Variants in GPC6 observed in about 807,000 individuals in gnomAD.
GPC6 encodes glypican 6.
In GPC6, 14 loss-of-function variants were observed where a neutral mutation model predicts 55.2. The observed-to-expected ratio is 0.25, with a 90% CI of 0.17 to 0.40. The LOEUF is 0.40. Among genes scored for constraint, GPC6 ranks in the 10% least tolerant of loss-of-function variants. The pLI, the probability that GPC6 is intolerant of heterozygous loss-of-function variation, is 1.00. For synonymous variants in GPC6, 278 were observed against 259.6 expected, an observed-to-expected ratio of 1.07 and a Z score of -0.68; for missense variants, 641 against 708.5, an observed-to-expected ratio of 0.90 and a Z score of 1.08.
intron 4 of GPC6, among the ~76,000 whole-genome samples, chr13:94,253,400 G>A (rs1244661206): frequency 6.6e-6 from 1 of 152,104 alleles, no homozygotes. Context: ...GAACTGCCCT[G>A]TAATAATACT....
At chr13:94,197,203 A>G (rs1460006458) in intron 4 of GPC6, among the ~76,000 whole-genome samples, 1 of 152,132 alleles carries the variant, frequency 6.6e-6, no homozygotes, top group Admixed American at 6.5e-5. Flanking sequence ...GAAACTCTAC[A>G]GTATTGAGAA....
chr13:93,321,846 A>G (rs991222749), intron 1 of GPC6, among the ~76,000 whole-genome samples: 2 of 152,128 alleles, frequency 1.3e-5, no homozygotes, highest in Non-Finnish European at 2.9e-5. Context: ...TTCAACATCT[A>G]GTGTGAGACC....
intron 1 of GPC6, among the ~76,000 whole-genome samples, chr13:93,446,606 C>G (rs931890414): frequency 6.6e-6 from 1 of 152,046 alleles, no homozygotes; most frequent in African/African-American, 2.4e-5. Context: ...GACTACAACC[C>G]GTTTTCTTGA....
At chr13:93,333,845 G>A (rs923838556) in intron 1 of GPC6, among the ~76,000 whole-genome samples, 5 of 152,014 alleles carry the variant, frequency 3.3e-5, no homozygotes, top group South Asian at 2.1e-4. Context: ...GCCACCAAAC[G>A]CTACTGATTT....
intron 4 of GPC6, among the ~76,000 whole-genome samples, chr13:94,166,058 G>A (rs1245703058): frequency 6.6e-6 from 1 of 152,088 alleles, no homozygotes; most frequent in African/African-American, 2.4e-5. Context: ...TGGCTACGTT[G>A]TACTCTATGA....
intron 1 of GPC6, among the ~76,000 whole-genome samples, chr13:93,328,005 A>G (rs1879716169): frequency 6.6e-6 from 1 of 152,054 alleles, no homozygotes; most frequent in Non-Finnish European, 1.5e-5. Context: ...AACTTTAAAA[A>G]AATGGCCATT....
At chr13:94,028,231 C>T (rs1566307816) in intron 4 of GPC6, among the ~76,000 whole-genome samples, 1 of 151,904 alleles carries the variant, frequency 6.6e-6, no homozygotes, top group Admixed American at 6.6e-5. Context: ...CGCCACTGCA[C>T]TCCAGCCTGG....
At chr13:93,973,010 T>C (rs1270770284) in intron 3 of GPC6, among the ~76,000 whole-genome samples, 1 of 151,940 alleles carries the variant, frequency 6.6e-6, no homozygotes, top group African/African-American at 2.4e-5. Context: ...TTAAATCTTC[T>C]AAGTGGAAGT....
At chr13:93,228,414 G>T (rs1233613322) in intron 1 of GPC6, among the ~76,000 whole-genome samples, 1 of 152,126 alleles carries the variant, frequency 6.6e-6, no homozygotes, top group African/African-American at 2.4e-5. Context: ...CTGGGGATTC[G>T]GGTCCGGGTT....
At chr13:94,014,720 C>G (rs1272451731) in intron 3 of GPC6, among the ~76,000 whole-genome samples, 1 of 152,128 alleles carries the variant, frequency 6.6e-6, no homozygotes, top group Non-Finnish European at 1.5e-5. Context: ...CCCCTGACAA[C>G]CACTAATCTA....
chr13:93,223,872 C>T (rs1875685490), upstream of GPC6, among the ~76,000 whole-genome samples: 2 of 150,640 alleles, frequency 1.3e-5, no homozygotes, highest in Admixed American at 1.3e-4. Flanking sequence ...TCTAGGTATC[C>T]GTTTACCTCA....
chr13:93,349,064 A>G (rs927542678), intron 1 of GPC6, among the ~76,000 whole-genome samples: 11 of 152,206 alleles, frequency 7.2e-5, no homozygotes, highest in African/African-American at 2.7e-4. Context: ...ATGTAACATT[A>G]CTTTTACTCT....
At chr13:94,215,855 C>A (rs558476898) in intron 4 of GPC6, among the ~76,000 whole-genome samples, 1 of 151,874 alleles carries the variant, frequency 6.6e-6, no homozygotes, top group African/African-American at 2.4e-5. Flanking sequence ...TGGAAAACAT[C>A]AAAAAGAAAA....
intron 4 of GPC6, among the ~76,000 whole-genome samples, chr13:94,099,341 T>G (rs763670140): frequency 5.3e-5 from 8 of 152,146 alleles, no homozygotes; most frequent in Non-Finnish European, 1.2e-4. Context: ...ATATGTTCCC[T>G]TCTTGATATT....
chr13:93,812,576 C>A (rs1000931981), intron 2 of GPC6, among the ~76,000 whole-genome samples: 1 of 152,080 alleles, frequency 6.6e-6, no homozygotes, highest in Non-Finnish European at 1.5e-5. Context: ...TTGCCAAATG[C>A]AATTTTTTCA....
Position 94,027,887 on chromosome 13 carries a change from G to A in GPC6, c.870G>A (p.Leu290=). Residue 290 remains leucine, a synonymous_variant, in exon 4 of 9, where the codon CTG becomes CTA. Transcript: ENST00000377047. The part of the protein sequence containing the change: ...NQADLDTEWN[L]FIDAMLLVAE... ...CTGACCTCGACACAGAGTGGAATCT[G>A]TTTATAGGTAAGAAGTGTTTAAATG... The A allele has an allele frequency of 1.2e-6, 2 of 1,613,916 alleles. No homozygotes were observed. Among genetic ancestry groups the A allele is most frequent in the Non-Finnish European group, 1.7e-6 (2 of 1,179,860 alleles).
At chr13:93,326,266 C>T (rs1315455362) in intron 1 of GPC6, among the ~76,000 whole-genome samples, 1 of 152,034 alleles carries the variant, frequency 6.6e-6, no homozygotes, top group African/African-American at 2.4e-5. Context: ...GTGCATTGGA[C>T]TATCTGGGCA....
chr13:94,114,560 A>T (rs1886366548), intron 4 of GPC6, among the ~76,000 whole-genome samples: 1 of 152,086 alleles, frequency 6.6e-6, no homozygotes. Flanking sequence ...AAAATACAGA[A>T]TTTTATCTTG....
At chr13:94,074,657 G>A (rs1354829598) in intron 4 of GPC6, among the ~76,000 whole-genome samples, 1 of 152,118 alleles carries the variant, frequency 6.6e-6, no homozygotes, top group Non-Finnish European at 1.5e-5. Flanking sequence ...AAATCACCTG[G>A]CTTTCAGCAC....
Sources: gnomAD v4.1 joint callset for allele counts (sites outside exome capture counted in the v4.1 genomes callset) on GRCh38, gnomAD v4.1.1 for gene constraint, MANE v1.5 for transcripts, NCBI Gene and HGNC (gene_info 2026-07-23, HGNC 2026-07-21) for gene names.